ASB15: variants seen among roughly 807,000 people sequenced by gnomAD.
ASB15 encodes ankyrin repeat and SOCS box containing 15.
In ASB15, 54 loss-of-function variants were observed where a neutral mutation model predicts 58.0. That is an observed-to-expected ratio of 0.93 (90% confidence interval 0.75 to 1.17). ASB15 has a LOEUF of 1.17. Among genes scored for constraint, ASB15 ranks in the 50% most tolerant of loss-of-function variants. The pLI is 0.00. For synonymous variants in ASB15, 249 were observed against 262.4 expected (o/e 0.95, Z 0.50); for missense variants, 680 against 707.4 (o/e 0.96, Z 0.44).
At chr7:123,608,523 A>G (rs528547134) in intron 2 of ASB15, 71 bp from the exon 3 acceptor site, 2 of 152,334 alleles carry the variant, frequency 1.3e-5, no homozygotes, top group African/African-American at 4.8e-5. Flanking sequence ...TTTTCAAGGT[A>G]TCAGAAGAAC....
intron 1 of ASB15, among the ~76,000 whole-genome samples, chr7:123,585,692 CA>C (rs1409779943): frequency 6.6e-6 from 1 of 151,428 alleles, no homozygotes; most frequent in African/African-American, 2.4e-5. Flanking sequence ...ACTCTCTTAG[CA>C]AACTTTAAGT....
intron 1 of ASB15, among the ~76,000 whole-genome samples, chr7:123,580,145 A>G (rs1799187158): frequency 6.6e-6 from 1 of 151,996 alleles, no homozygotes; most frequent in Non-Finnish European, 1.5e-5. Flanking sequence ...ATTTCTACTG[A>G]AGGAAATGGG....
chr7:123,582,845 T>C (rs11973457), intron 1 of ASB15, among the ~76,000 whole-genome samples: 11,047 of 151,988 alleles, frequency 0.073, 455 homozygotes, highest in African/African-American at 0.096. Flanking sequence ...AGCTAATAAA[T>C]ACATACTTGG....
intron 1 of ASB15, among the ~76,000 whole-genome samples, chr7:123,577,134 T>A (rs141420144): frequency 6.4e-4 from 97 of 152,332 alleles, no homozygotes; most frequent in African/African-American, 2.1e-3. Flanking sequence ...GTCTTTTTCA[T>A]ATTATTTGTA....
At chr7:123,586,924 A>G (rs750724835) in intron 1 of ASB15, among the ~76,000 whole-genome samples, 1 of 151,404 alleles carries the variant, frequency 6.6e-6, no homozygotes, top group Non-Finnish European at 1.5e-5. Flanking sequence ...TGAAAGTACT[A>G]TATTGTCTTG....
At chr7:123,611,883 A>G (rs1800484411) in intron 3 of ASB15, among the ~76,000 whole-genome samples, 1 of 152,098 alleles carries the variant, frequency 6.6e-6, no homozygotes, top group African/African-American at 2.4e-5. Flanking sequence ...GTTGTTCTGC[A>G]TAGAAAGTGT....
intron 1 of ASB15, among the ~76,000 whole-genome samples, chr7:123,602,526 T>C (rs1264056604): frequency 6.6e-6 from 1 of 152,140 alleles, no homozygotes; most frequent in Non-Finnish European, 1.5e-5. Flanking sequence ...TTTCTATATC[T>C]AAAATGATTT....
intron 11 of ASB15, among the ~76,000 whole-genome samples, chr7:123,630,452 T>C (rs951490518): frequency 6.6e-6 from 1 of 152,200 alleles, no homozygotes; most frequent in Non-Finnish European, 1.5e-5. Flanking sequence ...TCTTGTTATA[T>C]TTGCAAGGCT....
intron 3 of ASB15, among the ~76,000 whole-genome samples, chr7:123,613,881 T>TA (rs972228882): frequency 1.2e-4 from 19 of 152,078 alleles, no homozygotes; most frequent in Admixed American, 2.6e-4. Flanking sequence ...CTGTCTCTAC[T>TA]AAAAAAATAT....
In ASB15 at chr7:123,624,814, G is replaced by A; in HGVS notation, c.697G>A (p.Gly233Ser). 1 of 1,613,156 alleles carries A rather than the reference G, an allele frequency of 6.2e-7. No individual in the cohort carries two copies. The highest frequency in any genetic ancestry group is 1.3e-5 in the African/African-American group (1 of 75,012). Residue 233 changes from glycine (G) to serine (S), a missense_variant and splice_region_variant, in exon 8 of 12, where the codon GGT (glycine) becomes AGT (serine). Transcript: ENST00000451215. ...CDVLEHLIHK[G>S]GDVLALADDG... ...CGTGTTAGAACATCTAATCCACAAA[G>A]GTATGTGAAAAGGAGTTACACTTCC...
intron 1 of ASB15, among the ~76,000 whole-genome samples, chr7:123,592,668 G>C (rs988836768): frequency 6.6e-6 from 1 of 152,104 alleles, no homozygotes; most frequent in African/African-American, 2.4e-5. Context: ...TGCGATTTCT[G>C]TTCTTTTACA....
chr7:123,589,301 T>TTTATTATTA (rs35194530), intron 1 of ASB15, among the ~76,000 whole-genome samples: 3,476 of 147,450 alleles, frequency 0.024, 130 homozygotes, highest in African/African-American at 0.081. Flanking sequence ...CTTTCATCTC[T>TTTATTATTA]TTATTATTAT....
intron 3 of ASB15, among the ~76,000 whole-genome samples, chr7:123,611,214 A>G (rs1489332583): frequency 6.6e-6 from 1 of 152,034 alleles, no homozygotes; most frequent in Non-Finnish European, 1.5e-5. Context: ...GTAGTGCTTT[A>G]TAGAAATAAT....
At chr7:123,584,937 G>T (rs954673972) in intron 1 of ASB15, 3 of 151,802 alleles carry the variant, frequency 2.0e-5, no homozygotes, top group Non-Finnish European at 2.9e-5. Context: ...TCTTCCCAAA[G>T]GGATCTTTTC....
intron 1 of ASB15, among the ~76,000 whole-genome samples, chr7:123,571,326 A>G (rs1798902241): frequency 6.6e-6 from 1 of 152,218 alleles, no homozygotes; most frequent in South Asian, 2.1e-4. Context: ...ATTGCATTTA[A>G]TTATTGTTTA....
chr7:123,628,594 T>C (rs1284193057), intron 9 of ASB15, among the ~76,000 whole-genome samples: 2 of 152,210 alleles, frequency 1.3e-5, no homozygotes, highest in Non-Finnish European at 2.9e-5. Flanking sequence ...TGGGGCGTGT[T>C]CTTGAGGAAC....
intron 1 of ASB15, among the ~76,000 whole-genome samples, chr7:123,587,079 A>G (rs1332391148): frequency 2.0e-5 from 3 of 151,708 alleles, no homozygotes; most frequent in Non-Finnish European, 3.0e-5. Flanking sequence ...ACAAATTTCA[A>G]TATATTCCTC....
At chr7:123,599,312 C>T (rs1342921692), upstream of ASB15, among the ~76,000 whole-genome samples, 4 of 152,140 alleles carry the variant, frequency 2.6e-5, no homozygotes, top group African/African-American at 9.7e-5. Context: ...AAGTAGGACT[C>T]CCCAAGGTGT....
intron 1 of ASB15, among the ~76,000 whole-genome samples, chr7:123,578,304 C>CAAAAAT (rs1799124639): frequency 6.6e-6 from 1 of 151,498 alleles, no homozygotes; most frequent in Non-Finnish European, 1.5e-5. Flanking sequence ...CTTTCATTCT[C>CAAAAAT]TATGTTGCTC....
Sources: allele counts gnomAD v4.1 joint callset (sites outside exome capture counted in the v4.1 genomes callset), GRCh38; gene constraint gnomAD v4.1.1; transcripts MANE v1.5; gene names NCBI Gene and HGNC (gene_info 2026-07-23, HGNC 2026-07-21).